Variants in GRID2IP observed in about 807,000 individuals in gnomAD.
GRID2IP encodes the protein delphilin.
Under a neutral mutation model 114.3 loss-of-function variants are expected in GRID2IP, and 78 were observed. The observed-to-expected ratio is 0.68, with a 90% CI of 0.57 to 0.82. The LOEUF is 0.82. Among genes scored for constraint, GRID2IP ranks in the 40% least tolerant of loss-of-function variants. The probability of loss-of-function intolerance (pLI) is 0.00; values close to 1 mark genes in which losing one functional copy is unlikely to be tolerated. For missense variants in GRID2IP, 1,727 were observed against 1,678.5 expected, an observed-to-expected ratio of 1.03 and a Z score of -0.51; for synonymous variants, 809 against 724.0, an observed-to-expected ratio of 1.12 and a Z score of -1.89.
At chr7:6,550,920 G>A (rs888238039) in intron 1 of GRID2IP, 88 bp downstream of exon 1, 5 of 1,186,198 alleles carry the variant, frequency 4.2e-6, no homozygotes, top group African/African-American at 1.6e-5. Flanking sequence ...CCTTACCTCT[G>A]GCCCTGGGAG....
At position 6,510,983 on chromosome 7, in the gene GRID2IP, G is replaced by C; in HGVS notation, c.1480C>G (p.Arg494Gly). The change falls in exon 9 of 22, where the codon CGG becomes GGG. Residue 494 changes from arginine (R) to glycine (G), a missense_variant. Arg to Gly is a moderately radical substitution (Grantham distance 125, BLOSUM62 -2). Coordinates refer to ENST00000457091, the MANE Select transcript of GRID2IP (RefSeq NM_001145118.2). The stretch of plus-strand genomic sequence containing the variant: ...ATGGAGGAAGCCCGCAGGGAGCTCC[G>C]CGGCTGGGGCTCAGGCGTGGGCTCG... ...ESEPTPEPQP[R>G]SSLRASSMCR... is the part of the protein sequence containing the mutation. 4 of 1,542,038 alleles carry C rather than the reference G, an allele frequency of 2.6e-6. No individual in the cohort carries two copies. The highest frequency in any genetic ancestry group is 3.5e-6 in the Non-Finnish European group (4 of 1,142,386).
Position 6,504,838 on chromosome 7 carries a change from T to C in GRID2IP, c.2665A>G (p.Lys889Glu), listed in dbSNP as rs1195951856. ...PVPGPEPFRK[K>E]EVVEILSHKK... Reference sequence around the variant, plus strand: ...TGGGACAGGATCTCCACCACCTCCTTCTTCCGGAAGGGCTCCGGCCCCGGC... The same window carrying C: ...TGGGACAGGATCTCCACCACCTCCTCCTTCCGGAAGGGCTCCGGCCCCGGC... The change falls in exon 15 of 22, where the codon AAG becomes GAG. Residue 889 changes from lysine (K) to glutamate (E), a missense_variant. Lys to Glu is a moderately conservative substitution (Grantham distance 56). Transcript: ENST00000457091. The C allele has an allele frequency of 1.9e-6, 3 of 1,551,364 alleles. No individual in the cohort carries two copies. Among genetic ancestry groups the C allele is most frequent in the Non-Finnish European group, 1.7e-6 (2 of 1,146,832 alleles).
intron 10 of GRID2IP, 78 bp from the exon 11 acceptor site, chr7:6,510,478 G>T: frequency 1.5e-6 from 2 of 1,319,862 alleles, no homozygotes; most frequent in South Asian, 3.1e-5. Context: ...TGGGTGGGCC[G>T]GGAGGCAGGG....
rs139625984 is a variant in GRID2IP, at chr7:6,526,903, G to A, written c.585-134C>T. ...TTCCTAGGAGTGGCGGAGGGCTGGG[G>A]GGATCGGGATGAGCAGCCGGTAGCA... On this transcript the variant is annotated intron_variant, in intron 2 of 21. Transcript: ENST00000457091. The surrounding 1 kb of genome is among the most constrained non-coding windows in gnomAD (Gnocchi z 7.6). The A allele has an allele frequency of 0.033, 34,825 of 1,056,096 alleles. 706 individuals are homozygous for A. The highest frequency in any genetic ancestry group is 0.042 in the Middle Eastern group (125 of 2,952). 65.4% of individuals were successfully genotyped at this position (1,056,096 alleles called of 1,614,324 possible).
In GRID2IP at chr7:6,521,960, G is replaced by A; in HGVS notation, c.920-3C>T. The A allele has an allele frequency of 6.4e-7, 1 of 1,550,898 alleles. No individual in the cohort carries two copies. Among genetic ancestry groups the A allele is most frequent in the Non-Finnish European group, 8.7e-7 (1 of 1,146,394 alleles). ...GGCAGCATTGTCAGCTGGGCTCCCTGGAAGCAAGAAGAGAGGGTGTGCCGG... is the reference window on the plus strand; with the variant it reads ...GGCAGCATTGTCAGCTGGGCTCCCTAGAAGCAAGAAGAGAGGGTGTGCCGG... On this transcript the variant is annotated splice_region_variant and splice_polypyrimidine_tract_variant and intron_variant, in intron 4 of 21. Transcript: ENST00000457091. This position sits in a 1 kb window ranked among gnomAD's most constrained non-coding sequence, Gnocchi z 4.1.
chr7:6,545,536 T>C (rs1375301828), intron 1 of GRID2IP, among the ~76,000 whole-genome samples: 2 of 152,182 alleles, frequency 1.3e-5, no homozygotes, highest in African/African-American at 2.4e-5. Context: ...TTCTAGATGA[T>C]TCCAAAAGGG....
intron 20 of GRID2IP, among the ~76,000 whole-genome samples, chr7:6,500,292 T>C (rs1345491527): frequency 6.6e-6 from 1 of 151,816 alleles, no homozygotes; most frequent in East Asian, 2.0e-4. Flanking sequence ...TGAAACCCCA[T>C]CTCTACTAAA....
chr7:6,536,947 G>T lies in GRID2IP; in HGVS notation c.584+2771C>A. On this transcript the variant is annotated intron_variant, in intron 2 of 21. Coordinates refer to ENST00000457091, the MANE Select transcript of GRID2IP (RefSeq NM_001145118.2). This position sits in a 1 kb window ranked among gnomAD's most constrained non-coding sequence, Gnocchi z 5.3. ...GGCGGCGGGGAGGGTGGCCAGCCCAGTCCCTGACATTGGCCAGGCCCAGAG... is the reference window on the plus strand; with the variant it reads ...GGCGGCGGGGAGGGTGGCCAGCCCATTCCCTGACATTGGCCAGGCCCAGAG... 1 of 560,468 alleles carries T rather than the reference G, an allele frequency of 1.8e-6. No homozygotes were observed. Among genetic ancestry groups the T allele is most frequent in the Admixed American group, 2.5e-5 (1 of 40,216 alleles). 34.7% of individuals were successfully genotyped at this position (560,468 alleles called of 1,614,324 possible).
rs147856643 is a variant in GRID2IP at position 6,515,853 on chromosome 7, C to T, written c.1269-1324G>A. 6.6e-3 allele frequency among the ~76,000 whole-genome samples: 1,011 copies of T among 152,108 alleles called. 32 individuals are homozygous for T. The highest frequency in any genetic ancestry group is 0.062 in the East Asian group (319 of 5,170). On this transcript the variant is annotated intron_variant, in intron 7 of 21. Coordinates refer to ENST00000457091, the MANE Select transcript of GRID2IP (RefSeq NM_001145118.2). ...GTGGCTCACGCCTGTAATCCTAGCA[C>T]TTTGGGAGGCTGAGGTGGGTGGATC...
In GRID2IP at chr7:6,502,087, G is replaced by A; in HGVS notation, c.3182C>T (p.Ser1061Phe). The stretch of plus-strand genomic sequence containing the variant: ...TTTGGCAAGGATGTGCAGGAAGGTG[G>A]ACTTCCCATCCACTGTCTTGGTGGA... ...LNSTKTVDGKSTFLHILAKSL... is the reference protein window; with the variant it reads ...LNSTKTVDGKFTFLHILAKSL... Residue 1061 changes from serine (S) to phenylalanine (F), a missense_variant, in exon 19 of 22, where the codon TCC becomes TTC. Transcript: ENST00000457091. The A allele has an allele frequency of 1.3e-6, 2 of 1,551,220 alleles. No individual in the cohort carries two copies. The highest frequency in any genetic ancestry group is 1.7e-6 in the Non-Finnish European group (2 of 1,146,804).
chr7:6,542,306 C>CAAAAAAAAA (rs56154707), intron 1 of GRID2IP, among the ~76,000 whole-genome samples: 9 of 95,096 alleles, frequency 9.5e-5, no homozygotes, highest in African/African-American at 1.9e-4. Flanking sequence ...AACTCCATCT[C>CAAAAAAAAA]AAAAAAAAAA....
In GRID2IP at chr7:6,526,267, T is replaced by C. The variant is rs1319961765; in HGVS notation, c.876A>G (p.Thr292=). 6.4e-7 allele frequency: 1 copy of C among 1,551,742 alleles called. No individual in the cohort carries two copies. The highest frequency in any genetic ancestry group is 1.4e-5 in the African/African-American group (1 of 72,996). ...VYKGNKSFGF[T]LRGHGPVWIE... ...TCCAGACAGGCCCGTGGCCGCGAAG[T>C]GTGAAGCCGAAGCTCTTGTTGCCTT... Residue 292 remains threonine, a synonymous_variant, in exon 4 of 22, where the codon ACA becomes ACG. Transcript: ENST00000457091. This position sits in a 1 kb window ranked among gnomAD's most constrained non-coding sequence, Gnocchi z 7.6.
chr7:6,511,083 C>G, intron 8 of GRID2IP, 44 bp from the exon 9 acceptor site: 1 of 1,355,566 alleles, frequency 7.4e-7, no homozygotes, highest in Non-Finnish European at 9.5e-7. Flanking sequence ...GCCCTCTCAG[C>G]CAGACAAGGG....
chr7:6,531,177 C>T, intron 2 of GRID2IP: 1 of 483,964 alleles, frequency 2.1e-6, no homozygotes, highest in Non-Finnish European at 3.7e-6. Flanking sequence ...AGCGAGCGCG[C>T]CGCGACTCCA....
At position 6,551,299 on chromosome 7, in the gene GRID2IP, T is replaced by C. The variant is rs781317075; in HGVS notation, c.138A>G (p.Gly46=). Reference sequence around the variant, plus strand: ...GCCCCTCCACCTCCAGGATCTGGTCTCCTGGCCGCAGTCCTCCGGCATGCG... The same window carrying C: ...GCCCCTCCACCTCCAGGATCTGGTCCCCTGGCCGCAGTCCTCCGGCATGCG... ...SSAHAGGLRP[G]DQILEVEGLA... Residue 46 remains glycine (G), a synonymous_variant, in exon 1 of 22, where the codon GGA becomes GGG. Transcript: ENST00000457091. 3 of 1,542,914 alleles carry C rather than the reference T, an allele frequency of 1.9e-6. No homozygotes were observed. In the African/African-American group the frequency reaches 4.1e-5, roughly 21 times the overall value.
chr7:6,550,823 G>A (rs1476271028), intron 1 of GRID2IP, among the ~76,000 whole-genome samples, 185 bp downstream of exon 1: 2 of 151,038 alleles, frequency 1.3e-5, no homozygotes, highest in East Asian at 3.9e-4. Context: ...GCGAGACTCT[G>A]TCTCAAAAAA....
At chr7:6,502,239 T>C (rs543816477) in intron 18 of GRID2IP, 121 bp from the exon 19 acceptor site, 1 of 918,110 alleles carries the variant, frequency 1.1e-6, no homozygotes, top group Non-Finnish European at 1.7e-6. Context: ...CCACTTTTTT[T>C]TTAATAGCAG....
intron 20 of GRID2IP, among the ~76,000 whole-genome samples, chr7:6,501,322 G>T (rs555049290): frequency 8.6e-4 from 131 of 152,280 alleles, no homozygotes; most frequent in African/African-American, 2.8e-3. Flanking sequence ...CTGCACTCCA[G>T]CCTGGGCAAC....
chr7:6,545,622 A>G (rs1169212018), intron 1 of GRID2IP, among the ~76,000 whole-genome samples: 1 of 152,204 alleles, frequency 6.6e-6, no homozygotes, highest in Admixed American at 6.5e-5. Flanking sequence ...CCTAGCACAG[A>G]TGCACCATGA....
Sources: gnomAD v4.1 joint callset for allele counts (sites outside exome capture counted in the v4.1 genomes callset) on GRCh38, gnomAD v4.1.1 for gene constraint, Gnocchi (gnomAD v3.1) non-coding constraint, MANE v1.5 for transcripts, NCBI Gene and HGNC (gene_info 2026-07-23, HGNC 2026-07-21) for gene names.